Variants in DEPDC1 observed in about 807,000 individuals in gnomAD.
The protein encoded by DEPDC1 is DEP domain containing 1.
In DEPDC1, 66 loss-of-function variants were observed where a neutral mutation model predicts 86.8. The observed-to-expected ratio is 0.76, with a 90% CI of 0.62 to 0.93. DEPDC1 has a LOEUF of 0.93. Among genes scored for constraint, DEPDC1 ranks in the 40% least tolerant of loss-of-function variants. The probability of loss-of-function intolerance (pLI) is 0.00; values close to 1 mark genes in which losing one functional copy is unlikely to be tolerated. For synonymous variants in DEPDC1, 255 were observed against 314.9 expected, an observed-to-expected ratio of 0.81 and a Z score of 2.02; for missense variants, 792 against 935.7, an observed-to-expected ratio of 0.85 and a Z score of 2.00.
rs373791077 is a variant in DEPDC1 at position 68,494,414 on chromosome 1, C to A, written c.314+16G>T. 6.9e-6 allele frequency: 11 copies of A among 1,605,426 alleles called. No homozygotes were observed. The African/African-American group carries it at 1.5e-4, about 21-fold the overall frequency. On this transcript the variant is annotated intron_variant, in intron 2 of 11. Coordinates refer to ENST00000456315, the MANE Select transcript of DEPDC1 (RefSeq NM_001114120.3). ...TTACAGTAATTCAGTTTTACAGTTA[C>A]ATATCTGTTCATTACCTGAAGAGCT...
chr1:68,495,396 C>T (rs578072862), intron 1 of DEPDC1, among the ~76,000 whole-genome samples: 41 of 152,276 alleles, frequency 2.7e-4, no homozygotes, highest in Non-Finnish European at 5.4e-4. Context: ...CATTATTTCA[C>T]TTTAATTACC....
At chr1:68,478,806 TAA>T (rs1311265945) in intron 10 of DEPDC1, among the ~76,000 whole-genome samples, 1 of 152,024 alleles carries the variant, frequency 6.6e-6, no homozygotes, top group African/African-American at 2.4e-5. Flanking sequence ...TCAACTATGC[TAA>T]GAGTCTACAT....
chr1:68,484,742 C>T (rs1272617582), intron 6 of DEPDC1, among the ~76,000 whole-genome samples: 2 of 151,916 alleles, frequency 1.3e-5, no homozygotes, highest in African/African-American at 2.4e-5. Flanking sequence ...GCTACAACAA[C>T]ATTTAAAGTG....
chr1:68,495,041 C>A (rs1209607657), intron 1 of DEPDC1, among the ~76,000 whole-genome samples: 1 of 152,002 alleles, frequency 6.6e-6, no homozygotes, highest in African/African-American at 2.4e-5. Context: ...ACTCAGGAGG[C>A]TGAGTCAGGA....
chr1:68,482,395 T>G lies in DEPDC1; in HGVS notation c.1413A>C (p.Ser471=). Residue 471 remains serine (S), a synonymous_variant, in exon 8 of 12, where the codon TCA becomes TCC. Transcript: ENST00000456315. ...PKQEFLLNLH[S]EENIQKPFSA... ...TGAATGGCTTTTGAATATTTTCCTC[T>G]GAATGAAGATTCAACAGGAATTCCT... 3.7e-6 allele frequency: 6 copies of G among 1,612,848 alleles called. No individual in the cohort carries two copies. The highest frequency in any genetic ancestry group is 5.1e-6 in the Non-Finnish European group (6 of 1,179,260).
rs1304052957 is a variant in DEPDC1 at position 68,497,042 on chromosome 1, C to T, written c.-43G>A. The T allele has an allele frequency of 1.2e-6, 2 of 1,604,856 alleles. No homozygotes were observed. The highest frequency in any genetic ancestry group is 4.5e-5 in the East Asian group (2 of 44,448). ...GTGGCGTCCATGGCGGCGAAGGCGA[C>T]ACTCAGGCCCAGCGGCCGCGGCAGT... On this transcript the variant is annotated 5_prime_UTR_variant, in exon 1 of 12. Transcript: ENST00000456315.
Position 68,497,077 on chromosome 1 carries a change from C to G in DEPDC1, c.-78G>C. ...CAGCGGCCGCGGCAGTGGCGAGTCT[C>G]GGCACAACCGTTGGCCCCGCCGCCG... On this transcript the variant is annotated 5_prime_UTR_variant, in exon 1 of 12. Transcript: ENST00000456315. 2.0e-6 allele frequency: 3 copies of G among 1,513,720 alleles called. No individual in the cohort carries two copies. The highest frequency in any genetic ancestry group is 1.1e-5 in the South Asian group (1 of 88,022). The allele number at this position is 1,513,720 out of a possible 1,614,324, so 93.8% of individuals were successfully genotyped here. A position where few individuals can be genotyped will look rare whatever the true frequency, so the allele number is the denominator to read the frequency against.
chr1:68,480,803 G>GATTC (rs1476221503), intron 9 of DEPDC1, among the ~76,000 whole-genome samples: 1 of 151,642 alleles, frequency 6.6e-6, no homozygotes, highest in African/African-American at 2.4e-5. Context: ...CATAACTCCG[G>GATTC]ATTCCTTGCT....
chr1:68,494,922 C>G (rs1234454740), intron 1 of DEPDC1, among the ~76,000 whole-genome samples: 2 of 152,164 alleles, frequency 1.3e-5, no homozygotes, highest in Non-Finnish European at 2.9e-5. Flanking sequence ...GCGGGTGGAT[C>G]ACCGGAGGTC....
chr1:68,480,283 C>CACACACA, intron 9 of DEPDC1, among the ~76,000 whole-genome samples: 1 of 150,530 alleles, frequency 6.6e-6, no homozygotes, highest in Non-Finnish European at 1.5e-5. Context: ...CACACACACA[C>CACACACA]CCCTCATTCT....
At chr1:68,484,241 A>C in intron 6 of DEPDC1, 151 bp from the exon 7 acceptor site, 1 of 520,988 alleles carries the variant, frequency 1.9e-6, no homozygotes, top group Non-Finnish European at 3.2e-6. Flanking sequence ...GGTGTATTTC[A>C]TTCTTCCTCA....
At chr1:68,492,122 ACCT>A (rs1646233039) in intron 2 of DEPDC1, among the ~76,000 whole-genome samples, 1 of 152,034 alleles carries the variant, frequency 6.6e-6, no homozygotes. Context: ...CAGAAGTTTG[ACCT>A]TGGTCTTCAA....
At chr1:68,489,669 A>ATT in intron 2 of DEPDC1, 61 bp from the exon 3 acceptor site, 92 of 1,209,256 alleles carry the variant, frequency 7.6e-5, no homozygotes, top group Middle Eastern at 2.3e-4. Flanking sequence ...TTTAGAGCCT[A>ATT]TTTTTTTTTT....
At position 68,497,001 on chromosome 1, in the gene DEPDC1, G is replaced by A. The variant is rs1311404560; in HGVS notation, c.-2C>T. 1.9e-6 allele frequency: 3 copies of A among 1,612,354 alleles called. No homozygotes were observed. The highest frequency in any genetic ancestry group is 2.7e-5 in the African/African-American group (2 of 74,768). ...GGGAGGCACACCCTGACTCTCCATA[G>A]GTCTGTCAGCGCCCGGTGGCGTCCA... On this transcript the variant is annotated 5_prime_UTR_variant, in exon 1 of 12. Coordinates refer to ENST00000456315, the MANE Select transcript of DEPDC1 (RefSeq NM_001114120.3).
intron 1 of DEPDC1, among the ~76,000 whole-genome samples, chr1:68,495,420 T>C (rs1646258438): frequency 6.6e-6 from 1 of 152,210 alleles, no homozygotes; most frequent in Non-Finnish European, 1.5e-5. Context: ...ATTCTATGAA[T>C]AGGTACTATT....
chr1:68,491,858 C>T (rs1247120957), intron 2 of DEPDC1, among the ~76,000 whole-genome samples: 1 of 151,984 alleles, frequency 6.6e-6, no homozygotes, highest in Non-Finnish European at 1.5e-5. Flanking sequence ...GTCTCAACCT[C>T]CCGGGCTCGG....
At chr1:68,477,327 C>T (rs1646123267) in intron 11 of DEPDC1, among the ~76,000 whole-genome samples, 1 of 151,526 alleles carries the variant, frequency 6.6e-6, no homozygotes, top group African/African-American at 2.4e-5. Context: ...TCTTCTTTCC[C>T]ACTGATAAAA....
intron 2 of DEPDC1, 119 bp downstream of exon 2, chr1:68,494,311 A>C: frequency 3.2e-6 from 3 of 934,410 alleles, no homozygotes; most frequent in East Asian, 5.3e-5. Context: ...AACAGCATTA[A>C]TAGTTTTCCA....
intron 8 of DEPDC1, 48 bp from the exon 9 acceptor site, chr1:68,481,660 C>T (rs1167901320): frequency 2.7e-6 from 4 of 1,455,410 alleles, no homozygotes. Flanking sequence ...ACACTAGTTG[C>T]TTTCATACTA....
Sources: gnomAD v4.1 joint callset for allele counts (sites outside exome capture counted in the v4.1 genomes callset) on GRCh38, gnomAD v4.1.1 for gene constraint, MANE v1.5 for transcripts, NCBI Gene and HGNC (gene_info 2026-07-23, HGNC 2026-07-21) for gene names.